The following TET2 variants were observed in gnomAD, a reference collection of about 807,000 sequenced individuals.
TET2 encodes tet methylcytosine dioxygenase 2.
In TET2, 299 loss-of-function variants were observed where a neutral mutation model predicts 142.9. The ratio of observed to expected loss-of-function variants is 2.09; its 90% CI spans 1.90 to 2.30. TET2 has a LOEUF of 2.30. TET2 is among the 30% of genes most tolerant of loss of function. TET2 has a pLI of 0.00. For synonymous variants in TET2, 819 were observed against 849.0 expected (o/e 0.96, Z 0.61); for missense variants, 2,418 against 2,378.0 (o/e 1.02, Z -0.35).
At position 105,235,602 on chromosome 4, in the gene TET2, C is replaced by T. The variant is rs910774264; in HGVS notation, c.1660C>T (p.Pro554Ser). 3 of 1,613,986 alleles carry T rather than the reference C, an allele frequency of 1.9e-6. No homozygotes were observed. In the African/African-American group the frequency reaches 4.0e-5, roughly 22 times the overall value. ...CAAGGAGCAAACACGAGATCTTGTG[C>T]CCCCAACACAGCACTATCTGAAACC... ...RDKEQTRDLV[P>S]PTQHYLKPGW... The change falls in exon 3 of 11, where the codon CCC (proline) becomes TCC (serine). Residue 554 changes from proline (P) to serine (S), a missense_variant. Physicochemically the swap from Pro to Ser is moderately conservative, Grantham distance 74. Transcript: ENST00000380013.
intron 1 of TET2, among the ~76,000 whole-genome samples, chr4:105,189,639 T>C (rs17035325): frequency 0.039 from 5,935 of 152,302 alleles, 413 homozygotes; most frequent in African/African-American, 0.13. Flanking sequence ...GCATGTCATC[T>C]CCACTTATTT....
At chr4:105,273,091 C>T (rs1731044198) in intron 10 of TET2, among the ~76,000 whole-genome samples, 173 bp downstream of exon 10, 1 of 152,160 alleles carries the variant, frequency 6.6e-6, no homozygotes, top group South Asian at 2.1e-4. Context: ...CAGATCAACC[C>T]ATTACCTAGG....
At chr4:105,264,290 T>G (rs775566153) in intron 8 of TET2, among the ~76,000 whole-genome samples, 7 of 152,170 alleles carry the variant, frequency 4.6e-5, no homozygotes, top group Non-Finnish European at 7.3e-5. Flanking sequence ...AGGAGTGCTT[T>G]GATACTGTCG....
chr4:105,209,434 T>C (rs975777597), intron 2 of TET2, among the ~76,000 whole-genome samples: 9 of 152,046 alleles, frequency 5.9e-5, no homozygotes, highest in African/African-American at 2.2e-4. Context: ...TGGATCTTTA[T>C]GTTAAGTAGT....
At chr4:105,238,016 C>A in intron 3 of TET2, 1 of 732,910 alleles carries the variant, frequency 1.4e-6, no homozygotes, top group Non-Finnish European at 1.8e-6. Context: ...TGGCTCCATA[C>A]CACAATAAAA....
intron 2 of TET2, among the ~76,000 whole-genome samples, chr4:105,219,422 C>T (rs1424707070): frequency 6.6e-6 from 1 of 152,052 alleles, no homozygotes; most frequent in Non-Finnish European, 1.5e-5. Context: ...TGGTAGGGAA[C>T]AAAATATTTT....
At chr4:105,223,854 G>A (rs1694429997) in intron 2 of TET2, among the ~76,000 whole-genome samples, 1 of 152,122 alleles carries the variant, frequency 6.6e-6, no homozygotes, top group Non-Finnish European at 1.5e-5. Context: ...ATTCCCGTAA[G>A]TTTGATCCTG....
At position 105,232,969 on chromosome 4, in the gene TET2, G is replaced by A. The variant is rs111833321; in HGVS notation, c.-46-928G>A. 2.3e-3 allele frequency among the ~76,000 whole-genome samples: 345 copies of A among 152,304 alleles called. 1 individual carries two copies. The highest frequency in any genetic ancestry group is 0.019 in the South Asian group (90 of 4,822). ...GAACCATGCAGGCAAGTTTAAGCCA[G>A]TGTGTTAAAGAGAATATGACATCAG... On this transcript the variant is annotated intron_variant, in intron 2 of 10. Coordinates refer to ENST00000380013, the MANE Select transcript of TET2 (RefSeq NM_001127208.3).
At chr4:105,148,867 C>T (rs892032260) in intron 1 of TET2, among the ~76,000 whole-genome samples, 1 of 152,076 alleles carries the variant, frequency 6.6e-6, no homozygotes, top group Non-Finnish European at 1.5e-5. Context: ...CTCCATAAGT[C>T]GAATTTCCAA....
Position 105,240,587 on chromosome 4 carries a change from C to T in TET2, c.3410-752C>T, listed in dbSNP as rs1318049614. 1.5e-5 allele frequency: 16 copies of T among 1,079,572 alleles called. No individual in the cohort carries two copies. In the East Asian group the frequency reaches 7.5e-4, roughly 51 times the overall value. The allele number at this position is 1,079,572 out of a possible 1,614,324, so 66.9% of individuals were successfully genotyped here. On this transcript the variant is annotated intron_variant, in intron 3 of 10. Coordinates refer to ENST00000380013, the MANE Select transcript of TET2 (RefSeq NM_001127208.3). ...AGGATGGAGGGAGGACTCCTACTGT[C>T]CCTCTTTGCGTGTGGTTATTAAGTT...
intron 2 of TET2, among the ~76,000 whole-genome samples, chr4:105,205,505 A>T (rs1726760819): frequency 6.8e-6 from 1 of 146,086 alleles, no homozygotes; most frequent in Non-Finnish European, 1.5e-5. Flanking sequence ...TTTTAGTTGA[A>T]GTCCCCCCCA....
chr4:105,245,887 C>T (rs1237127856), intron 6 of TET2, among the ~76,000 whole-genome samples: 1 of 152,126 alleles, frequency 6.6e-6, no homozygotes, highest in African/African-American at 2.4e-5. Context: ...AATTTCTTTT[C>T]AAAAATAGTC....
intron 1 of TET2, among the ~76,000 whole-genome samples, chr4:105,154,573 T>C (rs1241566978): frequency 6.6e-6 from 1 of 152,166 alleles, no homozygotes; most frequent in African/African-American, 2.4e-5. Flanking sequence ...CATTGTGTTT[T>C]GTGATAACAA....
In TET2 at chr4:105,235,010, C is replaced by T. The variant is rs761124313; in HGVS notation, c.1068C>T (p.Ser356=). The T allele has an allele frequency of 1.2e-6, 2 of 1,614,074 alleles. No individual in the cohort carries two copies. The highest frequency in any genetic ancestry group is 2.2e-5 in the South Asian group (2 of 91,060). The change falls in exon 3 of 11, where the codon TCC becomes TCT. Residue 356 remains serine, a synonymous_variant. Coordinates refer to ENST00000380013, the MANE Select transcript of TET2 (RefSeq NM_001127208.3). ...LASGEEFCSG[S]SSNLQAPGGS... ...CTGGTGAAGAATTCTGTTCAGGTTC[C>T]AGCAGCAATTTGCAAGCTCCTGGTG...
At chr4:105,224,684 GTCTCTCTCTCTCTCTCTCTC>G (rs34870510) in intron 2 of TET2, among the ~76,000 whole-genome samples, 1 of 108,148 alleles carries the variant, frequency 9.2e-6, no homozygotes, top group African/African-American at 3.6e-5. Flanking sequence ...ATATCAGCCA[GTCTCTCTCTCTCTCTCTCTC>G]TCTCTCTCTC....
At chr4:105,240,721 T>C (rs1729248091) in intron 3 of TET2, 3 of 1,080,406 alleles carry the variant, frequency 2.8e-6, no homozygotes, top group South Asian at 4.5e-5. Context: ...TTTCCATCTT[T>C]GTTGGTTTGC....
intron 3 of TET2, chr4:105,238,210 A>G: frequency 8.5e-6 from 2 of 235,354 alleles, no homozygotes. Flanking sequence ...GTGAGTGCTA[A>G]TCTTTTTGCT....
intron 6 of TET2, among the ~76,000 whole-genome samples, chr4:105,257,754 T>A (rs1187135050): frequency 6.6e-6 from 1 of 152,196 alleles, no homozygotes. Context: ...TAAGCTTTTT[T>A]AGTTATCTTA....
intron 2 of TET2, among the ~76,000 whole-genome samples, chr4:105,201,238 C>T (rs1024972559): frequency 6.6e-6 from 1 of 151,944 alleles, no homozygotes; most frequent in Non-Finnish European, 1.5e-5. Flanking sequence ...ATAAATTAAC[C>T]TATTAAACAA....
Sources: allele counts gnomAD v4.1 joint callset (sites outside exome capture counted in the v4.1 genomes callset), GRCh38; gene constraint gnomAD v4.1.1; transcripts MANE v1.5; gene names NCBI Gene and HGNC (gene_info 2026-07-23, HGNC 2026-07-21).